ADAMTS12: variants seen among roughly 807,000 people sequenced by gnomAD.
The protein encoded by ADAMTS12 is ADAM metallopeptidase with thrombospondin type 1 motif 12.
Under a neutral mutation model 167.8 loss-of-function variants are expected in ADAMTS12, and 118 were observed. The observed-to-expected ratio is 0.70, with a 90% CI of 0.61 to 0.82. ADAMTS12 has a LOEUF of 0.82. Ranked by LOEUF, ADAMTS12 falls within the 40% of genes least tolerant of loss-of-function variation. ADAMTS12 has a pLI of 0.00. For synonymous variants in ADAMTS12, 704 were observed against 716.9 expected, an observed-to-expected ratio of 0.98 and a Z score of 0.29; for missense variants, 1,916 against 1,998.8, an observed-to-expected ratio of 0.96 and a Z score of 0.79.
intron 2 of ADAMTS12, among the ~76,000 whole-genome samples, chr5:33,774,259 C>A (rs970832443): frequency 2.1e-4 from 32 of 152,080 alleles, no homozygotes. Flanking sequence ...TGCCCATGGA[C>A]AATTAGAAGT....
At position 33,695,967 on chromosome 5, in the gene ADAMTS12, C is replaced by T. The variant is rs116366337; in HGVS notation, c.635-11912G>A. Among the ~76,000 whole-genome samples, 727 of 152,272 alleles carry T rather than the reference C, an allele frequency of 4.8e-3. 7 individuals carry two copies. The highest frequency in any genetic ancestry group is 0.016 in the African/African-American group (684 of 41,564). On this transcript the variant is annotated intron_variant, in intron 3 of 23. Coordinates refer to ENST00000504830, the MANE Select transcript of ADAMTS12 (RefSeq NM_030955.4). ...ATTGAATACAGATTCACCCAATTTC[C>T]TGCACTTCAATCGCTGCATTGACGA...
chr5:33,873,825 C>T (rs570762732), intron 2 of ADAMTS12, among the ~76,000 whole-genome samples: 1 of 152,276 alleles, frequency 6.6e-6, no homozygotes, highest in South Asian at 2.1e-4. Context: ...GGCTTTTCAA[C>T]AAATGGTGCT....
intron 3 of ADAMTS12, among the ~76,000 whole-genome samples, chr5:33,739,805 G>C (rs1383084043): frequency 6.6e-6 from 1 of 152,172 alleles, no homozygotes; most frequent in Non-Finnish European, 1.5e-5. Context: ...GTTAGGGATG[G>C]GGCAAGGGTG....
At chr5:33,739,288 A>C (rs1419914035) in intron 3 of ADAMTS12, among the ~76,000 whole-genome samples, 4 of 151,520 alleles carry the variant, frequency 2.6e-5, no homozygotes, top group African/African-American at 9.8e-5. Context: ...CATATAGGCA[A>C]ACACACACAC....
intron 3 of ADAMTS12, among the ~76,000 whole-genome samples, chr5:33,741,401 TTTC>T (rs1744574602): frequency 6.6e-6 from 1 of 152,116 alleles, no homozygotes; most frequent in African/African-American, 2.4e-5. Flanking sequence ...TGCGTCCAGA[TTTC>T]TTCTTCTTAT....
intron 14 of ADAMTS12, among the ~76,000 whole-genome samples, chr5:33,617,594 G>C (rs897636394): frequency 6.6e-6 from 1 of 152,052 alleles, no homozygotes; most frequent in Non-Finnish European, 1.5e-5. Context: ...GACCACCTCC[G>C]GGAAGATATT....
chr5:33,812,765 A>G (rs1747508106), intron 2 of ADAMTS12, among the ~76,000 whole-genome samples: 1 of 152,198 alleles, frequency 6.6e-6, no homozygotes, highest in Admixed American at 6.5e-5. Context: ...TCATTTATCC[A>G]TTCAATTATT....
intron 2 of ADAMTS12, among the ~76,000 whole-genome samples, chr5:33,812,316 G>C (rs1747491260): frequency 6.6e-6 from 1 of 152,156 alleles, no homozygotes; most frequent in African/African-American, 2.4e-5. Context: ...AGTAGTGATT[G>C]TGAGTAGGAC....
At chr5:33,790,780 A>AAC (rs1281611894) in intron 2 of ADAMTS12, among the ~76,000 whole-genome samples, 1 of 86,392 alleles carries the variant, frequency 1.2e-5, no homozygotes, top group Admixed American at 1.2e-4. Flanking sequence ...TTGACATACA[A>AAC]ACATATATAT....
intron 16 of ADAMTS12, among the ~76,000 whole-genome samples, chr5:33,607,595 T>C (rs186847365): frequency 5.1e-4 from 78 of 152,300 alleles, no homozygotes; most frequent in Non-Finnish European, 9.8e-4. Context: ...GTAAATTGCT[T>C]TGGGCTGTAT....
At chr5:33,611,875 AT>A (rs1738745295) in intron 16 of ADAMTS12, among the ~76,000 whole-genome samples, 1 of 152,246 alleles carries the variant, frequency 6.6e-6, no homozygotes, top group Non-Finnish European at 1.5e-5. Context: ...TACATCTATG[AT>A]TAGAAAAAAA....
Position 33,833,853 on chromosome 5 carries a change from A to G in ADAMTS12, c.489+47266T>C, listed in dbSNP as rs535000911. Among the ~76,000 whole-genome samples, 70 of 152,348 alleles carry G rather than the reference A, an allele frequency of 4.6e-4. 1 individual carries two copies. The highest frequency in any genetic ancestry group is 1.7e-3 in the African/African-American group (69 of 41,562). ...CAGGATTCAAAGCTAAATACATAAA[A>G]TGATGTAAATTATTAACTACATGCA... On this transcript the variant is annotated intron_variant, in intron 2 of 23. Coordinates refer to ENST00000504830, the MANE Select transcript of ADAMTS12 (RefSeq NM_030955.4).
chr5:33,823,708 T>C (rs551923751), intron 2 of ADAMTS12, among the ~76,000 whole-genome samples: 3 of 152,182 alleles, frequency 2.0e-5, no homozygotes, highest in Admixed American at 6.5e-5. Context: ...ACTCCTGATA[T>C]TTACCTGTCA....
chr5:33,780,134 G>A (rs1746072124), intron 2 of ADAMTS12, among the ~76,000 whole-genome samples: 1 of 152,120 alleles, frequency 6.6e-6, no homozygotes, highest in Non-Finnish European at 1.5e-5. Context: ...AAAGCTGTAG[G>A]AGGGGAAACC....
At chr5:33,815,890 T>G (rs533170790) in intron 2 of ADAMTS12, among the ~76,000 whole-genome samples, 1 of 152,220 alleles carries the variant, frequency 6.6e-6, no homozygotes, top group African/African-American at 2.4e-5. Flanking sequence ...TGGACCAGCA[T>G]CCATCAGTTC....
chr5:33,817,264 T>C (rs1313106923), intron 2 of ADAMTS12, among the ~76,000 whole-genome samples: 1 of 152,192 alleles, frequency 6.6e-6, no homozygotes, highest in African/African-American at 2.4e-5. Flanking sequence ...ACTTGAACTT[T>C]AGTGGAAACT....
Position 33,648,670 on chromosome 5 carries a change from A to C in ADAMTS12, c.1479+152T>G, listed in dbSNP as rs1213039315. The stretch of plus-strand genomic sequence containing the variant: ...TGTCAAGGCATGTGATTCCAGCTTA[A>C]TTGTTTTCCCTTACAGACACACCTT... On this transcript the variant is annotated intron_variant, in intron 9 of 23. Coordinates refer to ENST00000504830, the MANE Select transcript of ADAMTS12 (RefSeq NM_030955.4). 3.1e-6 allele frequency: 3 copies of C among 971,404 alleles called. No homozygotes were observed. In the East Asian group the frequency reaches 7.5e-5, roughly 24 times the overall value. The allele number at this position is 971,404 out of a possible 1,614,324, so 60.2% of individuals were successfully genotyped here.
At chr5:33,790,575 A>C (rs888245777) in intron 2 of ADAMTS12, among the ~76,000 whole-genome samples, 2 of 150,872 alleles carry the variant, frequency 1.3e-5, no homozygotes, top group Non-Finnish European at 3.0e-5. Context: ...AAAAAAAGAA[A>C]AAAGAAAAAA....
At position 33,683,022 on chromosome 5, in the gene ADAMTS12, T is replaced by C; in HGVS notation, c.911A>G (p.Glu304Gly). The C allele has an allele frequency of 6.2e-7, 1 of 1,612,354 alleles. No homozygotes were observed. Among genetic ancestry groups the C allele is most frequent in the South Asian group, 1.1e-5 (1 of 90,644 alleles). ...AGTGAAGGGAAAAAATGTTACCTCT[T>C]CTTCTTCGAGTAGAATGAGCCGAAC... The part of the protein sequence containing the change: ...VVVRLILLEE[E>G]EQGLKIVHHA... The change falls in exon 5 of 24, where the codon GAA becomes GGA. Residue 304 changes from glutamate (E) to glycine (G), a missense_variant. Coordinates refer to ENST00000504830, the MANE Select transcript of ADAMTS12 (RefSeq NM_030955.4).
Sources: allele counts gnomAD v4.1 joint callset (sites outside exome capture counted in the v4.1 genomes callset), GRCh38; gene constraint gnomAD v4.1.1; transcripts MANE v1.5; gene names NCBI Gene and HGNC (gene_info 2026-07-23, HGNC 2026-07-21).